The following TMEM100 variants were observed in gnomAD, a reference collection of about 807,000 sequenced individuals.
TMEM100 encodes the protein transmembrane protein 100.
For missense variants in TMEM100, 137 were observed against 168.2 expected (o/e 0.81, Z 1.02); for synonymous variants, 61 against 67.1 (o/e 0.91, Z 0.44).
chr17:55,725,705 G>A (rs879515229), upstream of TMEM100, among the ~76,000 whole-genome samples: 475 of 82,258 alleles, frequency 5.8e-3, 3 homozygotes, highest in Non-Finnish European at 3.8e-3. Flanking sequence ...ATATATATGT[G>A]TGTGTGTGTG....
chr17:55,723,071 A>G (rs1002301900), upstream of TMEM100: 1 of 152,212 alleles, frequency 6.6e-6, no homozygotes, highest in African/African-American at 2.4e-5. Flanking sequence ...CTCTTGCAGC[A>G]TTTACTAAGC....
chr17:55,730,765 T>A (rs1320567327), intron 1 of TMEM100, among the ~76,000 whole-genome samples: 2 of 152,216 alleles, frequency 1.3e-5, no homozygotes, highest in African/African-American at 2.4e-5. Flanking sequence ...CTGAACTGAG[T>A]TCAAAATAGA....
intron 1 of TMEM100, 78 bp from the exon 2 acceptor site, chr17:55,721,213 C>T (rs1167364819): frequency 4.2e-6 from 4 of 956,006 alleles, no homozygotes; most frequent in Non-Finnish European, 6.0e-6. Flanking sequence ...GCTGGGGAGG[C>T]ACCTCCTTTC....
upstream of TMEM100, chr17:55,723,000 CATG>C (rs1364287222): frequency 1.3e-5 from 2 of 152,038 alleles, no homozygotes; most frequent in African/African-American, 4.8e-5. Context: ...TGCTCAGTGA[CATG>C]ATGAGTCCGA....
upstream of TMEM100, among the ~76,000 whole-genome samples, chr17:55,727,157 C>T (rs934243647): frequency 8.5e-5 from 13 of 152,100 alleles, no homozygotes; most frequent in East Asian, 7.7e-4. Flanking sequence ...AACTAATTAC[C>T]ATTCTGGCCT....
Position 55,720,605 on chromosome 17 carries a change from T to C in TMEM100, c.*61A>G, listed in dbSNP as rs748248873. 4.3e-5 allele frequency: 59 copies of C among 1,375,832 alleles called. No homozygotes were observed. Among genetic ancestry groups the C allele is most frequent in the Admixed American group, 6.9e-5 (3 of 43,652 alleles). 85.2% of individuals were successfully genotyped at this position (1,375,832 alleles called of 1,614,324 possible). A position where few individuals can be genotyped will look rare whatever the true frequency, so the allele number is the denominator to read the frequency against. ...CTCTCCCACCATGGTTCTGGGTGAATTGGGTGACAAAGTCAGAGCACGTTT... is the reference window on the plus strand; with the variant it reads ...CTCTCCCACCATGGTTCTGGGTGAACTGGGTGACAAAGTCAGAGCACGTTT... On this transcript the variant is annotated 3_prime_UTR_variant, in exon 2 of 2. Coordinates refer to ENST00000424486, the MANE Select transcript of TMEM100 (RefSeq NM_018286.3).
At chr17:55,724,058 G>A (rs975475898), upstream of TMEM100, among the ~76,000 whole-genome samples, 2 of 152,192 alleles carry the variant, frequency 1.3e-5, no homozygotes, top group African/African-American at 4.8e-5. Flanking sequence ...ATCTGCACAA[G>A]TGTTAATAAC....
At chr17:55,727,558 C>G (rs1909103196), upstream of TMEM100, among the ~76,000 whole-genome samples, 1 of 152,162 alleles carries the variant, frequency 6.6e-6, no homozygotes, top group Non-Finnish European at 1.5e-5. Flanking sequence ...AGAAATCTCC[C>G]CCTAGTCTCA....
chr17:55,726,033 A>G (rs2144869404), upstream of TMEM100, among the ~76,000 whole-genome samples: 1 of 152,288 alleles, frequency 6.6e-6, no homozygotes, highest in South Asian at 2.1e-4. Context: ...AAGGAGTACA[A>G]GGAAGATTAG....
intron 1 of TMEM100, chr17:55,721,739 AG>A (rs1908897545): frequency 6.6e-6 from 1 of 152,206 alleles, no homozygotes; most frequent in Non-Finnish European, 1.5e-5. Flanking sequence ...TACCCACTTT[AG>A]GTGGACAGTT....
At chr17:55,722,943 G>A (rs1038069079), upstream of TMEM100, 9 of 142,322 alleles carry the variant, frequency 6.3e-5, no homozygotes, top group African/African-American at 2.4e-4. Flanking sequence ...TTTTTCCTTC[G>A]TTCTTTTCCT....
chr17:55,720,926 T>C lies in TMEM100; in HGVS notation c.145A>G (p.Thr49Ala). The C allele has an allele frequency of 6.2e-7, 1 of 1,614,180 alleles. No homozygotes were observed. Among genetic ancestry groups the C allele is most frequent in the Non-Finnish European group, 8.5e-7 (1 of 1,180,030 alleles). ...EIQLMAATGG[T>A]ELSCYRCIIP... is the part of the protein sequence containing the mutation. ...ATGCAGCGGTAGCAGGAGAGCTCGG[T>C]ACCCCCTGTAGCAGCCATCAACTGA... is the stretch of plus-strand genomic sequence containing the variant. The change falls in exon 2 of 2, where the codon ACC (threonine) becomes GCC (alanine). Residue 49 changes from threonine to alanine, a missense_variant. Physicochemically the swap from Thr to Ala is moderately conservative, Grantham distance 58. Coordinates refer to ENST00000424486, the MANE Select transcript of TMEM100 (RefSeq NM_018286.3).
upstream of TMEM100, chr17:55,723,039 C>T (rs1051315387): frequency 3.3e-5 from 5 of 152,204 alleles, no homozygotes; most frequent in Admixed American, 2.6e-4. Context: ...TCCCCAGAGA[C>T]AGGAGCCAGC....
At chr17:55,730,485 C>T (rs996519552) in intron 1 of TMEM100, among the ~76,000 whole-genome samples, 1 of 151,950 alleles carries the variant, frequency 6.6e-6, no homozygotes, top group Non-Finnish European at 1.5e-5. Flanking sequence ...CTTCCTAATC[C>T]CTGTGGAATA....
chr17:55,723,944 C>T (rs893574646), upstream of TMEM100, among the ~76,000 whole-genome samples: 6 of 152,106 alleles, frequency 3.9e-5, no homozygotes, highest in African/African-American at 7.2e-5. Context: ...ATTTTTAAAA[C>T]CTTGAAACAT....
rs77685661 is a variant in TMEM100, at chr17:55,722,254, T to C, written c.-66+365A>G. 8.4e-3 allele frequency among the ~76,000 whole-genome samples: 1,281 copies of C among 152,332 alleles called. 12 individuals carry two copies. Among genetic ancestry groups the C allele is most frequent in the African/African-American group, 0.029 (1,208 of 41,576 alleles). ...GTCTAGCTGCTACACAGTTGAGCAG[T>C]TGTAGTTACCGAACAAGTTTAAAGA... On this transcript the variant is annotated intron_variant, in intron 1 of 1. Transcript: ENST00000424486.
rs1300738746 is a variant in TMEM100 at position 55,721,125 on chromosome 17, C to A, written c.-55G>T. The stretch of plus-strand genomic sequence containing the variant: ...ACAGACTAGATCTGGACAGTCTCAC[C>A]AGGGTGAAAGCTGTGAAGATAACAG... On this transcript the variant is annotated 5_prime_UTR_variant, in exon 2 of 2. Coordinates refer to ENST00000424486, the MANE Select transcript of TMEM100 (RefSeq NM_018286.3). 3.9e-6 allele frequency: 6 copies of A among 1,536,624 alleles called. No homozygotes were observed. Among genetic ancestry groups the A allele is most frequent in the Non-Finnish European group, 5.3e-6 (6 of 1,142,218 alleles).
At chr17:55,729,670 A>G (rs929531974) in intron 1 of TMEM100, among the ~76,000 whole-genome samples, 2 of 152,190 alleles carry the variant, frequency 1.3e-5, no homozygotes, top group Non-Finnish European at 2.9e-5. Context: ...TGACACACAT[A>G]CAATATATAC....
chr17:55,721,955 A>G (rs1401348291), intron 1 of TMEM100: 1 of 152,242 alleles, frequency 6.6e-6, no homozygotes, highest in East Asian at 1.9e-4. Flanking sequence ...AGCTCAACAC[A>G]AAATTTCGAT....
Sources: allele counts gnomAD v4.1 joint callset (sites outside exome capture counted in the v4.1 genomes callset), GRCh38; gene constraint gnomAD v4.1.1; transcripts MANE v1.5; gene names NCBI Gene and HGNC (gene_info 2026-07-23, HGNC 2026-07-21).